Variants in TBC1D4 observed in about 807,000 individuals in gnomAD.
TBC1D4 encodes TBC1 domain family member 4, also known as TBC (Tre-2, BUB2, CDC16) domain-containing protein.
In TBC1D4, 121 loss-of-function variants were observed where a neutral mutation model predicts 142.5. The observed-to-expected ratio is 0.85, with a 90% confidence interval of 0.73 to 0.99. The LOEUF (loss-of-function observed/expected upper bound fraction) is 0.99. Ranked by LOEUF, TBC1D4 falls within the 50% of genes least tolerant of loss-of-function variation. The pLI, the probability that TBC1D4 is intolerant of heterozygous loss-of-function variation, is 0.00. For missense variants in TBC1D4, 1,475 were observed against 1,606.6 expected (o/e 0.92, Z 1.40); for synonymous variants, 630 against 628.2 (o/e 1.00, Z -0.04).
chr13:75,360,957 G>A (rs1392596191), intron 2 of TBC1D4, among the ~76,000 whole-genome samples: 1 of 152,012 alleles, frequency 6.6e-6, no homozygotes, highest in African/African-American at 2.4e-5. Flanking sequence ...TCCTTCTTAG[G>A]AAATCTTTAA....
chr13:75,299,823 C>CAAAA (rs56719877), intron 16 of TBC1D4, among the ~76,000 whole-genome samples: 32 of 105,870 alleles, frequency 3.0e-4, no homozygotes, highest in East Asian at 1.1e-3. Context: ...TTCTTTCCAG[C>CAAAA]AAAAAAAAAA....
intron 1 of TBC1D4, among the ~76,000 whole-genome samples, chr13:75,393,063 T>C (rs1884575336): frequency 6.6e-6 from 1 of 151,990 alleles, no homozygotes; most frequent in South Asian, 2.1e-4. Flanking sequence ...ATTTCTTCTC[T>C]ATGGGCGTCA....
intron 1 of TBC1D4, among the ~76,000 whole-genome samples, chr13:75,378,445 T>A (rs2138242708): frequency 6.6e-6 from 1 of 152,220 alleles, no homozygotes; most frequent in African/African-American, 2.4e-5. Context: ...AAACATTAAA[T>A]GGTGTAACAG....
At chr13:75,467,777 G>T (rs1426905053) in intron 1 of TBC1D4, among the ~76,000 whole-genome samples, 4 of 152,126 alleles carry the variant, frequency 2.6e-5, no homozygotes, top group Admixed American at 1.3e-4. Context: ...TATCTCAGTG[G>T]CCATGAAAAG....
At chr13:75,443,192 C>T (rs1289965378) in intron 1 of TBC1D4, among the ~76,000 whole-genome samples, 6 of 152,170 alleles carry the variant, frequency 3.9e-5, no homozygotes, top group Non-Finnish European at 8.8e-5. Flanking sequence ...AACTGCACAA[C>T]TACTTTTTTC....
chr13:75,423,524 G>A (rs1291252976), intron 1 of TBC1D4, among the ~76,000 whole-genome samples: 1 of 152,054 alleles, frequency 6.6e-6, no homozygotes, highest in Non-Finnish European at 1.5e-5. Context: ...AGGAAAGAGG[G>A]AGATTAAATA....
chr13:75,382,293 T>C (rs889923673), intron 1 of TBC1D4, among the ~76,000 whole-genome samples: 10 of 152,210 alleles, frequency 6.6e-5, no homozygotes, highest in Non-Finnish European at 1.5e-4. Flanking sequence ...AGTTCCAATT[T>C]GGAGACTAAG....
At chr13:75,367,133 TC>T in intron 1 of TBC1D4, 3 of 202,438 alleles carry the variant, frequency 1.5e-5, no homozygotes, top group Non-Finnish European at 2.6e-5. Context: ...ATTTCCTGAC[TC>T]TGCAATCAGG....
chr13:75,378,972 T>C (rs572457816), intron 1 of TBC1D4, among the ~76,000 whole-genome samples: 10 of 152,268 alleles, frequency 6.6e-5, no homozygotes, highest in Admixed American at 4.6e-4. Context: ...TTTATAACTA[T>C]TGATGCAAAT....
intron 17 of TBC1D4, 112 bp from the exon 18 acceptor site, chr13:75,295,125 T>A: frequency 1.0e-6 from 1 of 966,728 alleles, no homozygotes; most frequent in Non-Finnish European, 1.5e-6. Context: ...CATATATAAG[T>A]AGTATTACTT....
At chr13:75,319,950 A>T (rs746632085) in intron 12 of TBC1D4, 64 bp downstream of exon 12, 12 of 1,567,840 alleles carry the variant, frequency 7.7e-6, no homozygotes, top group Non-Finnish European at 1.0e-5. Flanking sequence ...TAAACTAAGG[A>T]TGATGTTCAG....
At chr13:75,317,215 T>C (rs1566372092) in intron 12 of TBC1D4, among the ~76,000 whole-genome samples, 1 of 152,178 alleles carries the variant, frequency 6.6e-6, no homozygotes, top group Non-Finnish European at 1.5e-5. Context: ...GCATTAGTTC[T>C]GAACAAAGCT....
At chr13:75,460,154 T>TA (rs71756436) in intron 1 of TBC1D4, among the ~76,000 whole-genome samples, 250 of 149,562 alleles carry the variant, frequency 1.7e-3, no homozygotes, top group African/African-American at 5.9e-3. Context: ...AAAATAAAAA[T>TA]AAAAAAAAAA....
Position 75,310,014 on chromosome 13 carries a change from T to G in TBC1D4, c.2521A>C (p.Ser841Arg). The G allele has an allele frequency of 1.2e-6, 2 of 1,614,174 alleles. No individual in the cohort carries two copies. Among genetic ancestry groups the G allele is most frequent in the Non-Finnish European group, 1.7e-6 (2 of 1,180,018 alleles). The change falls in exon 14 of 21, where the codon AGC (serine) becomes CGC (arginine). Residue 841 changes from serine (S) to arginine (R), a missense_variant. Around this residue, in one of 2 missense-constraint regions of TBC1D4, gnomAD observed 1,227 missense variants for 1,267.7 expected, o/e 0.97. Transcript: ENST00000377636. ...EERKKSKELRSLWRKAIHQQI... is the reference protein window; with the variant it reads ...EERKKSKELRRLWRKAIHQQI... ...TGGTGTATAGCTTTTCTCCACAAGC[T>G]CCTCAGTTCTTTTGATTTCTTTCTT... is the stretch of plus-strand genomic sequence containing the variant.
rs990830618 is a variant in TBC1D4, at chr13:75,402,339, C to T, written c.499-39732G>A. ...AAAAGGGTTTTGTCCCCCATCTCCCCGGGGATACACCTTCATTCTTCTATG... is the reference window on the plus strand; with the variant it reads ...AAAAGGGTTTTGTCCCCCATCTCCCTGGGGATACACCTTCATTCTTCTATG... On this transcript the variant is annotated intron_variant, in intron 1 of 20. Coordinates refer to ENST00000377636, the MANE Select transcript of TBC1D4 (RefSeq NM_014832.5). Among the ~76,000 whole-genome samples, 8 of 152,212 alleles carry T rather than the reference C, an allele frequency of 5.3e-5. No homozygotes were observed. In the East Asian group the frequency reaches 1.3e-3, roughly 26 times the overall value.
At chr13:75,370,814 T>C (rs1169698170) in intron 1 of TBC1D4, among the ~76,000 whole-genome samples, 1 of 151,996 alleles carries the variant, frequency 6.6e-6, no homozygotes. Context: ...AATTGGAAGT[T>C]ATTAGCATCT....
chr13:75,481,202 C>T, intron 1 of TBC1D4, 68 bp downstream of exon 1: 1 of 1,255,742 alleles, frequency 8.0e-7, no homozygotes, highest in Non-Finnish European at 1.1e-6. Context: ...GGGTCCCCGC[C>T]CCTCCCGCCC....
chr13:75,389,841 T>G (rs1311258074), intron 1 of TBC1D4, among the ~76,000 whole-genome samples: 1 of 152,172 alleles, frequency 6.6e-6, no homozygotes, highest in Non-Finnish European at 1.5e-5. Flanking sequence ...CAGACAATGT[T>G]GGCAGAAAAG....
chr13:75,289,126 C>G lies in TBC1D4; in HGVS notation c.3487-16G>C, dbSNP rs913806785. 6 of 1,613,140 alleles carry G rather than the reference C, an allele frequency of 3.7e-6. No individual in the cohort carries two copies. In the Admixed American group the frequency reaches 8.3e-5, roughly 22 times the overall value. The stretch of plus-strand genomic sequence containing the variant: ...TCTCAAAAACCTGCCATGAAAGTAT[C>G]ATGGGTTAGGCTAGCCTTTGGTATG... On this transcript the variant is annotated splice_polypyrimidine_tract_variant and intron_variant, in intron 19 of 20. Coordinates refer to ENST00000377636, the MANE Select transcript of TBC1D4 (RefSeq NM_014832.5).
Sources: allele counts gnomAD v4.1 joint callset (sites outside exome capture counted in the v4.1 genomes callset), GRCh38; gene constraint gnomAD v4.1.1; regional missense constraint gnomAD v4.1.1; transcripts MANE v1.5; gene names NCBI Gene and HGNC (gene_info 2026-07-23, HGNC 2026-07-21).